RNF216: variants seen among roughly 807,000 people sequenced by gnomAD.
RNF216 encodes ring finger protein 216, also known as E3 ubiquitin-protein ligase RNF216.
Under a neutral mutation model 110.8 loss-of-function variants are expected in RNF216, and 72 were observed. The ratio of observed to expected loss-of-function variants is 0.65; its 90% CI spans 0.54 to 0.79. The LOEUF (loss-of-function observed/expected upper bound fraction) is 0.79, where lower values mean the gene tolerates loss of function less well. Among genes scored for constraint, RNF216 ranks in the 30% least tolerant of loss-of-function variants. The pLI, the probability that RNF216 is intolerant of heterozygous loss-of-function variation, is 0.00. For synonymous variants in RNF216, 495 were observed against 407.5 expected, an observed-to-expected ratio of 1.21 and a Z score of -2.59; for missense variants, 1,342 against 1,141.2, an observed-to-expected ratio of 1.18 and a Z score of -2.54.
At chr7:5,747,929 C>A (rs1280187220) in intron 3 of RNF216, among the ~76,000 whole-genome samples, 2 of 152,050 alleles carry the variant, frequency 1.3e-5, no homozygotes, top group African/African-American at 4.8e-5. Context: ...AGGTTTTGAG[C>A]CACTGTGTCT....
chr7:5,634,702 G>C (rs935689556), intron 15 of RNF216, among the ~76,000 whole-genome samples: 2 of 152,250 alleles, frequency 1.3e-5, no homozygotes, highest in African/African-American at 4.8e-5. Context: ...AGGACCTGGA[G>C]ATGGGGGCAG....
intron 13 of RNF216, among the ~76,000 whole-genome samples, chr7:5,661,634 C>G (rs1428426293): frequency 6.6e-6 from 1 of 152,054 alleles, no homozygotes; most frequent in African/African-American, 2.4e-5. Flanking sequence ...GACATCTCGT[C>G]TCTACAAAAA....
chr7:5,709,412 C>G (rs954304719), intron 13 of RNF216, among the ~76,000 whole-genome samples: 1 of 152,194 alleles, frequency 6.6e-6, no homozygotes, highest in Admixed American at 6.5e-5. Flanking sequence ...GGATTTCTCA[C>G]AGAGAGAAAT....
At chr7:5,657,173 C>A (rs959309424) in intron 13 of RNF216, among the ~76,000 whole-genome samples, 6 of 152,250 alleles carry the variant, frequency 3.9e-5, no homozygotes, top group African/African-American at 9.6e-5. Context: ...AACTCACTCT[C>A]TAGGGGGAGA....
Position 5,741,173 on chromosome 7 carries a change from C to T in RNF216, c.844G>A (p.Gly282Ser). 6.2e-7 allele frequency: 1 copy of T among 1,614,130 alleles called. No individual in the cohort carries two copies. The highest frequency in any genetic ancestry group is 8.5e-7 in the Non-Finnish European group (1 of 1,180,010). ...PAFPRPEPQQ[G>S]GISGPSSPQP... ...GGAGAAGAGGGGCCTGAAATCCCAC[C>T]TTGCTGGGGTTCCGGCCTTGGAAAA... The change falls in exon 4 of 17, where the codon GGT becomes AGT. Residue 282 changes from glycine (G) to serine (S), a missense_variant. Transcript: ENST00000389902.
At chr7:5,771,048 C>T (rs557890890) in intron 1 of RNF216, among the ~76,000 whole-genome samples, 2 of 152,260 alleles carry the variant, frequency 1.3e-5, no homozygotes, top group African/African-American at 2.4e-5. Context: ...CCTTGTGATT[C>T]GCCCACCTTG....
chr7:5,739,402 C>T, intron 4 of RNF216, 50 bp from the exon 5 acceptor site: 1 of 1,544,916 alleles, frequency 6.5e-7, no homozygotes, highest in Non-Finnish European at 8.8e-7. Flanking sequence ...AGAATGGTTT[C>T]AAATGGCAAT....
intron 3 of RNF216, among the ~76,000 whole-genome samples, chr7:5,751,594 G>A (rs1327194143): frequency 4.6e-5 from 7 of 152,186 alleles, no homozygotes; most frequent in Middle Eastern, 3.4e-3. Context: ...CAGGAAAGGT[G>A]GCCTGAAGCA....
intron 13 of RNF216, among the ~76,000 whole-genome samples, chr7:5,682,393 T>G (rs1401668875): frequency 1.3e-5 from 2 of 151,830 alleles, no homozygotes; most frequent in Non-Finnish European, 2.9e-5. Context: ...GAGATGACAG[T>G]TTTACTTTCA....
chr7:5,741,239 G>T lies in RNF216; in HGVS notation c.778C>A (p.Leu260Met). The change falls in exon 4 of 17, where the codon CTG becomes ATG. Residue 260 changes from leucine to methionine, a missense_variant. Coordinates refer to ENST00000389902, the MANE Select transcript of RNF216 (RefSeq NM_207111.4). Reference sequence around the variant, plus strand: ...TCATGCTGAAACAACAAGCGGCCCAGTTCTGCTTCAGGCTGCCGTTCCTGA... The same window carrying T: ...TCATGCTGAAACAACAAGCGGCCCATTTCTGCTTCAGGCTGCCGTTCCTGA... Reference protein sequence around the residue: ...VPQERQPEAELGRLLFQHEFP... With the variant: ...VPQERQPEAEMGRLLFQHEFP... 1 of 1,614,162 alleles carries T rather than the reference G, an allele frequency of 6.2e-7. No individual in the cohort carries two copies.
At chr7:5,701,707 T>C (rs1053286392) in intron 13 of RNF216, among the ~76,000 whole-genome samples, 1 of 152,252 alleles carries the variant, frequency 6.6e-6, no homozygotes, top group African/African-American at 2.4e-5. Context: ...ACCACTGAGC[T>C]ATACCGTTTC....
chr7:5,775,418 T>C (rs972919447), intron 1 of RNF216, among the ~76,000 whole-genome samples: 1 of 152,182 alleles, frequency 6.6e-6, no homozygotes, highest in Non-Finnish European at 1.5e-5. Context: ...CTTATGTATA[T>C]GCTCCTAAAC....
intron 1 of RNF216, among the ~76,000 whole-genome samples, chr7:5,772,666 T>C (rs187614804): frequency 2.6e-5 from 4 of 152,284 alleles, no homozygotes; most frequent in Admixed American, 1.3e-4. Context: ...TTTTCTCAAC[T>C]TATAGAATGT....
At chr7:5,759,419 G>GTCCACT (rs1795813670) in intron 2 of RNF216, among the ~76,000 whole-genome samples, 2 of 151,950 alleles carry the variant, frequency 1.3e-5, no homozygotes, top group Non-Finnish European at 2.9e-5. Context: ...CTTTAGAATG[G>GTCCACT]TCCACTTCCA....
chr7:5,629,281 A>G (rs975667266), intron 15 of RNF216, among the ~76,000 whole-genome samples: 37 of 151,740 alleles, frequency 2.4e-4, no homozygotes, highest in Admixed American at 2.4e-3. Context: ...TTTTCAGACC[A>G]GCAAGGGCAA....
At chr7:5,704,322 T>C (rs1418153200) in intron 13 of RNF216, among the ~76,000 whole-genome samples, 1 of 152,166 alleles carries the variant, frequency 6.6e-6, no homozygotes, top group African/African-American at 2.4e-5. Context: ...GACACTGCAA[T>C]GAGAAAGCAG....
intron 2 of RNF216, among the ~76,000 whole-genome samples, chr7:5,755,110 A>C (rs1795553930): frequency 6.8e-6 from 1 of 147,390 alleles, no homozygotes; most frequent in Non-Finnish European, 1.5e-5. Context: ...GAGGAAAGGA[A>C]GGAAAGGAAG....
intron 2 of RNF216, among the ~76,000 whole-genome samples, chr7:5,757,747 G>C (rs946828630): frequency 1.3e-5 from 2 of 152,218 alleles, no homozygotes; most frequent in African/African-American, 4.8e-5. Flanking sequence ...TAACTGCAAA[G>C]AGGCACAAGG....
chr7:5,770,647 G>A (rs1319483303), intron 1 of RNF216, among the ~76,000 whole-genome samples: 2 of 151,566 alleles, frequency 1.3e-5, no homozygotes, highest in African/African-American at 4.9e-5. Flanking sequence ...AGAATTTACA[G>A]GAAAACAGCC....
Sources: allele counts gnomAD v4.1 joint callset (sites outside exome capture counted in the v4.1 genomes callset), GRCh38; gene constraint gnomAD v4.1.1; transcripts MANE v1.5; gene names NCBI Gene and HGNC (gene_info 2026-07-23, HGNC 2026-07-21).